The following THSD7B variants were observed in gnomAD, a reference collection of about 807,000 sequenced individuals.
The protein encoded by THSD7B is thrombospondin type 1 domain containing 7B.
A neutral mutation model predicts 213.6 loss-of-function variants in THSD7B; 138 were observed. The observed-to-expected ratio is 0.65, with a 90% confidence interval of 0.56 to 0.74. The LOEUF (loss-of-function observed/expected upper bound fraction) is 0.74, where lower values mean the gene tolerates loss of function less well. THSD7B is among the 30% of genes least tolerant of loss of function. The pLI, the probability that THSD7B is intolerant of heterozygous loss-of-function variation, is 0.00. For synonymous variants in THSD7B, 742 were observed against 687.0 expected (o/e 1.08, Z -1.25); for missense variants, 1,931 against 1,991.5 (o/e 0.97, Z 0.58).
intron 12 of THSD7B, among the ~76,000 whole-genome samples, chr2:137,341,284 T>G (rs1472333633): frequency 6.6e-6 from 1 of 151,662 alleles, no homozygotes; most frequent in Non-Finnish European, 1.5e-5. Flanking sequence ...GCCCATTTTT[T>G]AATTTTTGTT....
intron 1 of THSD7B, among the ~76,000 whole-genome samples, chr2:136,871,944 G>A (rs72979563): frequency 0.022 from 3,306 of 152,172 alleles, 130 homozygotes; most frequent in African/African-American, 0.076. Flanking sequence ...TACTTCTCAT[G>A]TATTAATCCT....
chr2:137,613,101 T>C (rs1682317760), intron 17 of THSD7B, among the ~76,000 whole-genome samples: 1 of 152,168 alleles, frequency 6.6e-6, no homozygotes, highest in Non-Finnish European at 1.5e-5. Context: ...CATGATCACT[T>C]AGTTCTGTCT....
In THSD7B at chr2:137,634,173, A is replaced by C. The variant is rs1230465137; in HGVS notation, c.3800-8315A>C. Among the ~76,000 whole-genome samples, 9 of 152,232 alleles carry C rather than the reference A, an allele frequency of 5.9e-5. No homozygotes were observed. The South Asian group carries it at 1.9e-3, about 32-fold the overall frequency. On this transcript the variant is annotated intron_variant, in intron 20 of 27. Coordinates refer to ENST00000409968, the MANE Select transcript of THSD7B (RefSeq NM_001316349.2). ...CCATCATTAACTTCAGTTAAGTGAC[A>C]TTGTACCCTATTCTGCATGGTGTTT...
intron 15 of THSD7B, among the ~76,000 whole-genome samples, chr2:137,458,511 T>C (rs942223129): frequency 7.9e-5 from 12 of 152,158 alleles, no homozygotes; most frequent in African/African-American, 2.9e-4. Context: ...AAACTTCCAT[T>C]GATAGCTCTG....
chr2:137,554,383 A>G (rs1218869918), intron 15 of THSD7B, among the ~76,000 whole-genome samples: 1 of 152,214 alleles, frequency 6.6e-6, no homozygotes, highest in East Asian at 1.9e-4. Flanking sequence ...AAACACTTAA[A>G]CAAATGCTGA....
intron 1 of THSD7B, among the ~76,000 whole-genome samples, chr2:136,829,735 GGGTCT>G (rs1321153105): frequency 6.6e-6 from 1 of 152,126 alleles, no homozygotes; most frequent in African/African-American, 2.4e-5. Flanking sequence ...GGGAAAATAT[GGGTCT>G]GTGGGTGAAG....
chr2:137,269,496 G>A (rs1460737689), intron 10 of THSD7B, among the ~76,000 whole-genome samples: 1 of 152,244 alleles, frequency 6.6e-6, no homozygotes, highest in East Asian at 1.9e-4. Context: ...TGAGGTGAAG[G>A]CATCCCTTTC....
At chr2:137,117,920 T>C (rs1172119306) in intron 5 of THSD7B, among the ~76,000 whole-genome samples, 1 of 152,204 alleles carries the variant, frequency 6.6e-6, no homozygotes, top group African/African-American at 2.4e-5. Flanking sequence ...TGACTTATTT[T>C]TGGTGATGTC....
chr2:137,380,327 T>C (rs1354100879), intron 12 of THSD7B, among the ~76,000 whole-genome samples: 1 of 152,170 alleles, frequency 6.6e-6, no homozygotes, highest in Non-Finnish European at 1.5e-5. Flanking sequence ...GAGAATTGCT[T>C]GAGCCTGGGA....
chr2:137,076,896 A>G (rs950675303), intron 3 of THSD7B, among the ~76,000 whole-genome samples: 9 of 152,022 alleles, frequency 5.9e-5, no homozygotes, highest in Non-Finnish European at 1.2e-4. Context: ...ACATATGTAT[A>G]CATGTGCCAT....
intron 7 of THSD7B, among the ~76,000 whole-genome samples, chr2:137,179,552 G>T (rs1359115809): frequency 2.0e-5 from 3 of 151,310 alleles, no homozygotes; most frequent in Non-Finnish European, 4.4e-5. Context: ...GTTCAAATGT[G>T]TTCAGGAAAT....
intron 14 of THSD7B, among the ~76,000 whole-genome samples, chr2:137,412,528 C>A (rs1273359809): frequency 8.1e-6 from 1 of 123,392 alleles, no homozygotes; most frequent in Non-Finnish European, 1.6e-5. Context: ...ACCCGGGGGG[C>A]AGAGGTTGCA....
intron 15 of THSD7B, among the ~76,000 whole-genome samples, chr2:137,505,808 A>G (rs903669003): frequency 3.3e-5 from 5 of 152,242 alleles, no homozygotes; most frequent in African/African-American, 9.6e-5. Context: ...CAGGGCTGTC[A>G]GGAAGCAGAG....
chr2:137,639,498 G>C (rs563552979), intron 20 of THSD7B, among the ~76,000 whole-genome samples: 2 of 152,322 alleles, frequency 1.3e-5, no homozygotes, highest in African/African-American at 4.8e-5. Flanking sequence ...AGAGTCCCTA[G>C]TGGGGTGCTG....
intron 27 of THSD7B, among the ~76,000 whole-genome samples, chr2:137,672,106 AAT>A (rs1683590312): frequency 6.6e-6 from 1 of 152,186 alleles, no homozygotes; most frequent in Non-Finnish European, 1.5e-5. Context: ...TTATTGAGCA[AAT>A]ATATAAAATG....
At chr2:136,891,324 G>A (rs1235869394) in intron 2 of THSD7B, among the ~76,000 whole-genome samples, 2 of 152,104 alleles carry the variant, frequency 1.3e-5, no homozygotes, top group African/African-American at 2.4e-5. Context: ...TTAAAAGCGA[G>A]GCACTAAAAC....
In THSD7B at chr2:137,656,835, G is replaced by A. The variant is rs766187292; in HGVS notation, c.4145G>A (p.Cys1382Tyr). 1.2e-6 allele frequency: 2 copies of A among 1,613,980 alleles called. No individual in the cohort carries two copies. The highest frequency in any genetic ancestry group is 2.2e-5 in the East Asian group (1 of 44,874). ...HLTEWSEWST[C>Y]ELTCIDGRSF... ...ACAGAATGGTCAGAGTGGAGCACAT[G>A]TGAATTAACCTGCATTGATGGAAGA... Residue 1382 changes from cysteine (C) to tyrosine (Y), a missense_variant, in exon 23 of 28, where the codon TGT becomes TAT. By Grantham distance (194) the Cys-to-Tyr change is radical. Coordinates refer to ENST00000409968, the MANE Select transcript of THSD7B (RefSeq NM_001316349.2).
chr2:137,071,795 G>A (rs1363506702), intron 3 of THSD7B, among the ~76,000 whole-genome samples: 4 of 152,128 alleles, frequency 2.6e-5, no homozygotes, highest in Non-Finnish European at 5.9e-5. Flanking sequence ...TAAGGTGTAA[G>A]GAAGGGATCC....
intron 4 of THSD7B, among the ~76,000 whole-genome samples, chr2:137,113,869 G>A (rs1260301761): frequency 6.6e-6 from 1 of 152,194 alleles, no homozygotes; most frequent in Non-Finnish European, 1.5e-5. Flanking sequence ...GTGAGGCTGA[G>A]GGAGAAAAAC....
Sources: allele counts gnomAD v4.1 joint callset (sites outside exome capture counted in the v4.1 genomes callset), GRCh38; gene constraint gnomAD v4.1.1; transcripts MANE v1.5; gene names NCBI Gene and HGNC (gene_info 2026-07-23, HGNC 2026-07-21).